Variants in WDR17 observed in about 807,000 individuals in gnomAD.
WDR17 encodes WD repeat-containing protein 17.
A neutral mutation model predicts 161.7 loss-of-function variants in WDR17; 143 were observed. The observed-to-expected ratio is 0.88, with a 90% CI of 0.77 to 1.02. WDR17 has a LOEUF of 1.02. WDR17 is among the 50% of genes least tolerant of loss of function. The probability of loss-of-function intolerance (pLI) is 0.00; values close to 1 mark genes in which losing one functional copy is unlikely to be tolerated. For synonymous variants in WDR17, 517 were observed against 515.6 expected (o/e 1.00, Z -0.04); for missense variants, 1,469 against 1,520.9 (o/e 0.97, Z 0.57).
chr4:176,091,285 C>G (rs1189492492), intron 1 of WDR17, among the ~76,000 whole-genome samples: 2 of 152,110 alleles, frequency 1.3e-5, no homozygotes, highest in African/African-American at 4.8e-5. Context: ...GAGTTGAAAT[C>G]ATATGAAATA....
At chr4:176,116,418 A>G (rs1011699834) in intron 3 of WDR17, among the ~76,000 whole-genome samples, 1 of 151,836 alleles carries the variant, frequency 6.6e-6, no homozygotes, top group African/African-American at 2.4e-5. Context: ...AATTTGGTCA[A>G]GGTAGAACAT....
At chr4:176,166,729 A>G (rs1279116101) in intron 22 of WDR17, among the ~76,000 whole-genome samples, 1 of 152,176 alleles carries the variant, frequency 6.6e-6, no homozygotes, top group East Asian at 1.9e-4. Context: ...ATTTAAAACT[A>G]TGAAATTTTG....
At chr4:176,164,566 C>G (rs187068370) in intron 22 of WDR17, among the ~76,000 whole-genome samples, 108 of 152,182 alleles carry the variant, frequency 7.1e-4, no homozygotes, top group African/African-American at 2.4e-3. Flanking sequence ...TGCAAATATT[C>G]TAAAATCCAA....
intron 1 of WDR17, among the ~76,000 whole-genome samples, chr4:176,109,059 G>T (rs1739282489): frequency 6.6e-6 from 1 of 152,016 alleles, no homozygotes; most frequent in Non-Finnish European, 1.5e-5. Context: ...CAAAGTGCTG[G>T]GATTACAGGC....
At chr4:176,138,728 A>G (rs1042170134) in intron 9 of WDR17, among the ~76,000 whole-genome samples, 2 of 151,834 alleles carry the variant, frequency 1.3e-5, no homozygotes, top group African/African-American at 4.8e-5. Flanking sequence ...GGAATCTCAC[A>G]TATCTGCCCA....
chr4:176,154,583 T>G (rs1342429032), intron 17 of WDR17, among the ~76,000 whole-genome samples: 1 of 152,222 alleles, frequency 6.6e-6, no homozygotes, highest in Admixed American at 6.5e-5. Flanking sequence ...TTAGACATGT[T>G]TCTATTGAAA....
intron 2 of WDR17, among the ~76,000 whole-genome samples, chr4:176,114,287 A>C (rs994252076): frequency 6.6e-6 from 1 of 152,108 alleles, no homozygotes; most frequent in African/African-American, 2.4e-5. Context: ...CTATTGCTGC[A>C]GTGCTAATCA....
intron 22 of WDR17, 59 bp from the exon 23 acceptor site, chr4:176,168,613 A>G (rs775168369): frequency 1.2e-6 from 2 of 1,603,434 alleles, no homozygotes; most frequent in South Asian, 2.2e-5. Context: ...TGAGATAGTT[A>G]TGAATGTTAT....
At chr4:176,077,178 T>G (rs1416138226) in intron 1 of WDR17, among the ~76,000 whole-genome samples, 1 of 123,436 alleles carries the variant, frequency 8.1e-6, no homozygotes, top group Non-Finnish European at 1.8e-5. Context: ...TTTTTTTTTT[T>G]TTTCACTAAG....
intron 28 of WDR17, among the ~76,000 whole-genome samples, chr4:176,178,042 C>T (rs1454139307): frequency 6.2e-5 from 7 of 113,096 alleles, no homozygotes; most frequent in Non-Finnish European, 1.1e-4. Flanking sequence ...GATCCCACCT[C>T]CCAATAATAT....
At chr4:176,092,875 C>T (rs1007510142) in intron 1 of WDR17, among the ~76,000 whole-genome samples, 1 of 152,048 alleles carries the variant, frequency 6.6e-6, no homozygotes, top group Admixed American at 6.6e-5. Flanking sequence ...AAAGCCGTCT[C>T]TACTAAAAAT....
intron 23 of WDR17, among the ~76,000 whole-genome samples, chr4:176,169,478 C>T (rs1295097695): frequency 6.6e-6 from 1 of 151,076 alleles, no homozygotes; most frequent in Non-Finnish European, 1.5e-5. Context: ...TATGCATATG[C>T]CATATGATTT....
chr4:176,159,100 A>G (rs961959995), intron 18 of WDR17, among the ~76,000 whole-genome samples: 2 of 152,144 alleles, frequency 1.3e-5, no homozygotes, highest in African/African-American at 4.8e-5. Flanking sequence ...AATATCTGCT[A>G]CCCCTACCCA....
chr4:176,155,951 A>G, intron 17 of WDR17, 128 bp from the exon 18 acceptor site: 1 of 802,456 alleles, frequency 1.2e-6, no homozygotes, highest in Non-Finnish European at 1.9e-6. Context: ...AAAGTACCAA[A>G]TCAGGACTCA....
chr4:176,069,512 A>G (rs1290958385), intron 1 of WDR17, among the ~76,000 whole-genome samples: 1 of 152,196 alleles, frequency 6.6e-6, no homozygotes, highest in Admixed American at 6.5e-5. Flanking sequence ...ATAAATTTCC[A>G]TGTGTCAGTG....
intron 1 of WDR17, among the ~76,000 whole-genome samples, chr4:176,075,957 G>A (rs1392001169): frequency 1.3e-5 from 2 of 151,812 alleles, no homozygotes; most frequent in Non-Finnish European, 2.9e-5. Flanking sequence ...CCTGAGTGTT[G>A]CAGCGAGACC....
intron 22 of WDR17, 103 bp from the exon 23 acceptor site, chr4:176,168,569 G>T: frequency 7.4e-7 from 1 of 1,354,046 alleles, no homozygotes; most frequent in South Asian, 1.4e-5. Flanking sequence ...AAATTAAAAA[G>T]CAAGAGTGGT....
chr4:176,106,580 T>C (rs1380140370), intron 1 of WDR17, among the ~76,000 whole-genome samples: 1 of 152,172 alleles, frequency 6.6e-6, no homozygotes, highest in East Asian at 1.9e-4. Flanking sequence ...ATATCTGGGA[T>C]ATGATAACAA....
intron 4 of WDR17, among the ~76,000 whole-genome samples, chr4:176,124,391 CCTAT>C (rs1742109202): frequency 6.6e-6 from 1 of 152,070 alleles, no homozygotes; most frequent in African/African-American, 2.4e-5. Flanking sequence ...GTTTTAACTC[CCTAT>C]CTTTCTGGCT....
Sources: allele counts gnomAD v4.1 joint callset (sites outside exome capture counted in the v4.1 genomes callset), GRCh38; gene constraint gnomAD v4.1.1; transcripts MANE v1.5; gene names NCBI Gene and HGNC (gene_info 2026-07-23, HGNC 2026-07-21).